Variants in MAP3K4 observed in about 807,000 individuals in gnomAD.
The protein encoded by MAP3K4 is MAP three kinase 1.
A neutral mutation model predicts 185.6 loss-of-function variants in MAP3K4; 67 were observed. That is an observed-to-expected ratio of 0.36 (90% CI 0.30 to 0.44). The LOEUF is 0.44. MAP3K4 is among the 20% of genes least tolerant of loss of function. The probability of loss-of-function intolerance (pLI) is 1.00; values close to 1 mark genes in which losing one functional copy is unlikely to be tolerated. For synonymous variants in MAP3K4, 702 were observed against 710.4 expected, an observed-to-expected ratio of 0.99 and a Z score of 0.19; for missense variants, 1,551 against 1,995.1, an observed-to-expected ratio of 0.78 and a Z score of 4.24.
At chr6:161,029,391 A>G (rs1416324760) in intron 1 of MAP3K4, among the ~76,000 whole-genome samples, 1 of 152,128 alleles carries the variant, frequency 6.6e-6, no homozygotes, top group East Asian at 1.9e-4. Flanking sequence ...ATTTAACCCT[A>G]AGTAACTTGA....
intron 1 of MAP3K4, among the ~76,000 whole-genome samples, chr6:161,027,596 A>G (rs1274643769): frequency 3.9e-5 from 6 of 152,228 alleles, no homozygotes; most frequent in Non-Finnish European, 7.3e-5. Flanking sequence ...GCAACATCTG[A>G]TAAGCCAGAG....
intron 4 of MAP3K4, among the ~76,000 whole-genome samples, chr6:161,072,239 A>G (rs1254638136): frequency 6.6e-6 from 1 of 152,236 alleles, no homozygotes; most frequent in Non-Finnish European, 1.5e-5. Flanking sequence ...ACTTCTGTCA[A>G]TAAAAGCAAT....
At chr6:161,044,482 T>TA (rs1783627859) in intron 2 of MAP3K4, among the ~76,000 whole-genome samples, 1 of 152,142 alleles carries the variant, frequency 6.6e-6, no homozygotes, top group African/African-American at 2.4e-5. Context: ...AGACAAAATG[T>TA]AAAAATGCTC....
chr6:161,028,686 T>TA (rs1433621468), intron 1 of MAP3K4, among the ~76,000 whole-genome samples: 3 of 152,248 alleles, frequency 2.0e-5, no homozygotes, highest in African/African-American at 7.2e-5. Context: ...ACATTTGTTT[T>TA]AAAAAGATGA....
chr6:161,112,535 TA>T lies in MAP3K4; in HGVS notation c.4520-130del. On this transcript the variant is annotated intron_variant, in intron 24 of 26. Transcript: ENST00000392142. This position sits in a 1 kb window ranked among gnomAD's most constrained non-coding sequence, Gnocchi z 5.1. ...TCAACAAGTTGACTTGAACTGTCTGTAAATTTTTGATATTTCCCATTACCTA... is the reference window on the plus strand; with the variant it reads ...TCAACAAGTTGACTTGAACTGTCTGTAATTTTTGATATTTCCCATTACCTA... The T allele has an allele frequency of 1.8e-6, 1 of 546,958 alleles. No individual in the cohort carries two copies. The highest frequency in any genetic ancestry group is 2.9e-6 in the Non-Finnish European group (1 of 343,308). The allele number at this position is 546,958 out of a possible 1,614,324, so 33.9% of individuals were successfully genotyped here. A position where few individuals can be genotyped will look rare whatever the true frequency, so the allele number is the denominator to read the frequency against.
At chr6:161,062,050 A>G (rs1784508757) in intron 3 of MAP3K4, among the ~76,000 whole-genome samples, 1 of 152,134 alleles carries the variant, frequency 6.6e-6, no homozygotes, top group African/African-American at 2.4e-5. Context: ...TTTTGGAAGT[A>G]TGTAGTTTTG....
At chr6:161,026,556 A>C (rs920444981) in intron 1 of MAP3K4, among the ~76,000 whole-genome samples, 1 of 152,096 alleles carries the variant, frequency 6.6e-6, no homozygotes. Flanking sequence ...CAATTGTTGG[A>C]GGTAGTAGAT....
chr6:161,055,563 A>G (rs1784193612), intron 3 of MAP3K4, among the ~76,000 whole-genome samples: 1 of 152,200 alleles, frequency 6.6e-6, no homozygotes, highest in South Asian at 2.1e-4. Context: ...TAACTAAACT[A>G]CAGACTTTTA....
intron 2 of MAP3K4, among the ~76,000 whole-genome samples, chr6:161,035,219 A>G (rs1231515433): frequency 6.6e-6 from 1 of 152,178 alleles, no homozygotes; most frequent in Non-Finnish European, 1.5e-5. Flanking sequence ...CAAATGCCAT[A>G]TATTCCTGGA....
chr6:161,022,942 T>C lies in MAP3K4; in HGVS notation c.153-11317T>C, dbSNP rs1782471790. ...ATACTGTTACAGTGAAAATTCTTCA[T>C]AACTTAATGGGTAACAAATTACAGA... On this transcript the variant is annotated intron_variant, in intron 1 of 26. Coordinates refer to ENST00000392142, the MANE Select transcript of MAP3K4 (RefSeq NM_005922.4). The surrounding 1 kb of genome is among the most constrained non-coding windows in gnomAD (Gnocchi z 4.2). Among the ~76,000 whole-genome samples, 1 of 152,224 alleles carries C rather than the reference T, an allele frequency of 6.6e-6. No homozygotes were observed. The highest frequency in any genetic ancestry group is 2.1e-4 in the South Asian group (1 of 4,830).
At chr6:161,099,595 T>A (rs759773723) in intron 17 of MAP3K4, among the ~76,000 whole-genome samples, 85 of 152,234 alleles carry the variant, frequency 5.6e-4, no homozygotes, top group Admixed American at 1.8e-3. Flanking sequence ...CAAAACTGTC[T>A]TCTTTATTCA....
chr6:161,004,851 T>C (rs1304905039), intron 1 of MAP3K4, among the ~76,000 whole-genome samples: 1 of 152,258 alleles, frequency 6.6e-6, no homozygotes, highest in Non-Finnish European at 1.5e-5. Context: ...AGAATCTTGC[T>C]GTTTGTGCAG....
In MAP3K4 at chr6:161,108,094, A is replaced by T. The variant is rs765674299; in HGVS notation, c.4119+125A>T. 19 of 750,308 alleles carry T rather than the reference A, an allele frequency of 2.5e-5. No individual in the cohort carries two copies. The highest frequency in any genetic ancestry group is 3.7e-5 in the Non-Finnish European group (17 of 460,242). The allele number at this position is 750,308 out of a possible 1,614,324, so 46.5% of individuals were successfully genotyped here. On this transcript the variant is annotated intron_variant, in intron 21 of 26. Coordinates refer to ENST00000392142, the MANE Select transcript of MAP3K4 (RefSeq NM_005922.4). This position sits in a 1 kb window ranked among gnomAD's most constrained non-coding sequence, Gnocchi z 5.7. ...CTGTCTTCAGCACCAGCACTGCGAC[A>T]GTCAGGACCAACCAGGCAGATGCAC...
chr6:161,083,379 TA>T (rs1210443979), intron 6 of MAP3K4, among the ~76,000 whole-genome samples: 1 of 152,240 alleles, frequency 6.6e-6, no homozygotes, highest in Non-Finnish European at 1.5e-5. Context: ...TAGTACGTAA[TA>T]GGCACTCAAT....
Position 160,996,669 on chromosome 6 carries a change from G to A in MAP3K4, c.152+4586G>A, listed in dbSNP as rs1781010902. ...AAAACGTGAGAGAAGGAGATTAGCT[G>A]AAGACTCCGTAGGTCTTCATAAGCT... On this transcript the variant is annotated intron_variant, in intron 1 of 26. Coordinates refer to ENST00000392142, the MANE Select transcript of MAP3K4 (RefSeq NM_005922.4). The surrounding 1 kb of genome is among the most constrained non-coding windows in gnomAD (Gnocchi z 4.5). Among the ~76,000 whole-genome samples the A allele has an allele frequency of 6.6e-6, 1 of 152,158 alleles. No individual in the cohort carries two copies. Among genetic ancestry groups the A allele is most frequent in the Non-Finnish European group, 1.5e-5 (1 of 68,038 alleles).
At position 161,088,049 on chromosome 6, in the gene MAP3K4, C is replaced by T. The variant is rs2114858523; in HGVS notation, c.2823+95C>T. ...CTCATGAATGAGGGGTTTGACTACC[C>T]TAGTAATCACAAGTATATACTTCCC... is the stretch of plus-strand genomic sequence containing the variant. On this transcript the variant is annotated intron_variant, in intron 10 of 26. Transcript: ENST00000392142. The surrounding 1 kb of genome is among the most constrained non-coding windows in gnomAD (Gnocchi z 4.5). 1 of 1,300,256 alleles carries T rather than the reference C, an allele frequency of 7.7e-7. No homozygotes were observed. The highest frequency in any genetic ancestry group is 1.0e-6 in the Non-Finnish European group (1 of 957,056). 80.5% of individuals were successfully genotyped at this position (1,300,256 alleles called of 1,614,324 possible). A position where few individuals can be genotyped will look rare whatever the true frequency, so the allele number is the denominator to read the frequency against.
chr6:161,074,005 T>A lies in MAP3K4; in HGVS notation c.2097+393T>A, dbSNP rs1052368623. 5.3e-5 allele frequency among the ~76,000 whole-genome samples: 8 copies of A among 152,364 alleles called. No homozygotes were observed. Among genetic ancestry groups the A allele is most frequent in the African/African-American group, 9.6e-5 (4 of 41,602 alleles). On this transcript the variant is annotated intron_variant, in intron 5 of 26. Transcript: ENST00000392142. The surrounding 1 kb of genome is among the most constrained non-coding windows in gnomAD (Gnocchi z 5.0). ...TATGGTCCTATGTTAGTGAACCGTC[T>A]GTCATCAGCCATTTTTATAATACCT...
intron 1 of MAP3K4, among the ~76,000 whole-genome samples, chr6:161,016,297 G>C (rs570682769): frequency 6.6e-6 from 1 of 151,984 alleles, no homozygotes; most frequent in South Asian, 2.1e-4. Context: ...TCCCATTTTT[G>C]TGGGCTGTCT....
At position 161,106,716 on chromosome 6, in the gene MAP3K4, T is replaced by G. The variant is rs776165407; in HGVS notation, c.4048+11T>G. The G allele has an allele frequency of 1.1e-5, 17 of 1,602,068 alleles. No individual in the cohort carries two copies. The Admixed American group carries it at 2.9e-4, about 27-fold the overall frequency. On this transcript the variant is annotated intron_variant, in intron 20 of 26. Transcript: ENST00000392142. The surrounding 1 kb of genome is among the most constrained non-coding windows in gnomAD (Gnocchi z 4.9). The stretch of plus-strand genomic sequence containing the variant: ...GAGGAAACAAAATTGGTAAGGAAAT[T>G]AAGGAGCATGATGTCAAGATAGTCC...
Sources: gnomAD v4.1 joint callset for allele counts (sites outside exome capture counted in the v4.1 genomes callset) on GRCh38, gnomAD v4.1.1 for gene constraint, Gnocchi (gnomAD v3.1) non-coding constraint, MANE v1.5 for transcripts, NCBI Gene and HGNC (gene_info 2026-07-23, HGNC 2026-07-21) for gene names.